Variants in DPP6 observed in about 807,000 individuals in gnomAD.
DPP6 encodes A-type potassium channel modulatory protein DPP6.
In DPP6, 69 loss-of-function variants were observed where a neutral mutation model predicts 122.6. That is an observed-to-expected ratio of 0.56 (90% CI 0.46 to 0.69). The LOEUF is 0.69. Ranked by LOEUF, DPP6 falls within the 30% of genes least tolerant of loss-of-function variation. The pLI, the probability that DPP6 is intolerant of heterozygous loss-of-function variation, is 0.00. For synonymous variants in DPP6, 418 were observed against 433.1 expected (o/e 0.97, Z 0.43); for missense variants, 928 against 1,116.9 (o/e 0.83, Z 2.41).
chr7:154,803,366 G>A (rs376607291), intron 13 of DPP6, among the ~76,000 whole-genome samples: 2 of 152,310 alleles, frequency 1.3e-5, no homozygotes, highest in East Asian at 3.9e-4. Flanking sequence ...AAAACTTGTA[G>A]TGTGGCAATA....
intron 7 of DPP6, among the ~76,000 whole-genome samples, chr7:154,678,496 C>T (rs888603116): frequency 3.6e-4 from 55 of 152,174 alleles, no homozygotes; most frequent in Admixed American, 3.6e-3. Context: ...CTGAAGTCAC[C>T]AAGACCACGA....
At chr7:154,225,918 C>T (rs1236870889) in intron 1 of DPP6, among the ~76,000 whole-genome samples, 1 of 152,008 alleles carries the variant, frequency 6.6e-6, no homozygotes, top group African/African-American at 2.4e-5. Flanking sequence ...AAAGCAACCT[C>T]ACAGTTTTGG....
intron 1 of DPP6, among the ~76,000 whole-genome samples, chr7:154,147,591 T>C (rs532522515): frequency 2.0e-3 from 296 of 151,276 alleles, no homozygotes; most frequent in African/African-American, 7.0e-3. Context: ...GTGATTCTCC[T>C]GCCTCAGCCT....
intron 4 of DPP6, among the ~76,000 whole-genome samples, chr7:154,551,867 G>T (rs951418487): frequency 6.6e-6 from 1 of 152,062 alleles, no homozygotes; most frequent in Non-Finnish European, 1.5e-5. Flanking sequence ...TCTTTTTCAC[G>T]GCAGAGATAG....
intron 1 of DPP6, among the ~76,000 whole-genome samples, chr7:153,926,416 C>T (rs1415328154): frequency 3.9e-5 from 6 of 152,280 alleles, no homozygotes; most frequent in Non-Finnish European, 7.3e-5. Flanking sequence ...GCTGTGAATT[C>T]GTTACAGGAA....
At chr7:154,578,076 C>G (rs1831801241) in intron 5 of DPP6, among the ~76,000 whole-genome samples, 1 of 152,164 alleles carries the variant, frequency 6.6e-6, no homozygotes, top group Non-Finnish European at 1.5e-5. Context: ...ATAGCATTAC[C>G]AGTAATATCA....
At chr7:154,325,331 C>A (rs1307967518) in intron 1 of DPP6, among the ~76,000 whole-genome samples, 1 of 152,266 alleles carries the variant, frequency 6.6e-6, no homozygotes, top group South Asian at 2.1e-4. Flanking sequence ...GGATGTAGGG[C>A]CTATATAGCA....
Position 154,894,118 on chromosome 7 carries a change from C to T in DPP6, c.*1638C>T, listed in dbSNP as rs1298166171. On this transcript the variant is annotated 3_prime_UTR_variant, in exon 26 of 26. Coordinates refer to ENST00000377770, the MANE Select transcript of DPP6 (RefSeq NM_130797.4). ...AACGTGCTGATAAACAGGACCGATC[C>T]GAGTGCTACATGACTGTGCGTTTGC... The T allele has an allele frequency of 1.3e-5, 2 of 152,278 alleles. No homozygotes were observed. The highest frequency in any genetic ancestry group is 2.1e-4 in the South Asian group (1 of 4,830). 9.4% of individuals were successfully genotyped at this position (152,278 alleles called of 1,614,324 possible). A position where few individuals can be genotyped will look rare whatever the true frequency, so the allele number is the denominator to read the frequency against.
At chr7:154,182,249 A>C (rs4546570) in intron 1 of DPP6, among the ~76,000 whole-genome samples, 203 of 152,316 alleles carry the variant, frequency 1.3e-3, no homozygotes, top group African/African-American at 4.6e-3. Context: ...ACAGAAATTA[A>C]GGCCATAACT....
intron 1 of DPP6, among the ~76,000 whole-genome samples, chr7:154,328,373 G>A (rs983442099): frequency 2.6e-5 from 4 of 152,170 alleles, no homozygotes; most frequent in African/African-American, 4.8e-5. Flanking sequence ...AAGTAACGAC[G>A]GGCCTGGAAG....
chr7:153,764,337 T>C, the DPP6 span, among the ~76,000 whole-genome samples: 3 of 149,984 alleles, frequency 2.0e-5, no homozygotes, highest in Admixed American at 6.6e-5. Flanking sequence ...CTCCCTGGCC[T>C]GTTCCTTGCT....
Position 154,752,610 on chromosome 7 carries a change from C to G in DPP6, c.884-16807C>G, listed in dbSNP as rs139709452. Among the ~76,000 whole-genome samples the G allele has an allele frequency of 1.8e-3, 276 of 152,290 alleles. 2 individuals carry two copies. The highest frequency in any genetic ancestry group is 5.9e-3 in the African/African-American group (245 of 41,568). On this transcript the variant is annotated intron_variant, in intron 8 of 25. Transcript: ENST00000377770. Reference sequence around the variant, plus strand: ...CTGTAGGTACTAAGGAGGCCTCACCCTTCTGGGATCCAGGGTCTCTCCCTC... The same window carrying G: ...CTGTAGGTACTAAGGAGGCCTCACCGTTCTGGGATCCAGGGTCTCTCCCTC...
At chr7:154,412,695 C>T (rs890400573) in intron 1 of DPP6, among the ~76,000 whole-genome samples, 1 of 151,912 alleles carries the variant, frequency 6.6e-6, no homozygotes, top group African/African-American at 2.4e-5. Context: ...CTTTAGAAAT[C>T]TTTTGAAGTT....
At chr7:153,970,161 G>A (rs1229296328) in intron 1 of DPP6, among the ~76,000 whole-genome samples, 1 of 152,154 alleles carries the variant, frequency 6.6e-6, no homozygotes, top group Non-Finnish European at 1.5e-5. Flanking sequence ...AGGCAATTCT[G>A]TGAAAATTTT....
intron 21 of DPP6, among the ~76,000 whole-genome samples, chr7:154,882,413 AG>A (rs1168513764): frequency 6.6e-6 from 1 of 152,226 alleles, no homozygotes; most frequent in African/African-American, 2.4e-5. Flanking sequence ...AACAAGCCTT[AG>A]ATAGAGGTCC....
At chr7:154,138,585 A>G (rs528080775) in intron 1 of DPP6, among the ~76,000 whole-genome samples, 1 of 151,950 alleles carries the variant, frequency 6.6e-6, no homozygotes, top group African/African-American at 2.4e-5. Flanking sequence ...GTGAGACTCA[A>G]TATTTATTCT....
At chr7:153,804,002 G>A in the DPP6 span, among the ~76,000 whole-genome samples, 1 of 151,242 alleles carries the variant, frequency 6.6e-6, no homozygotes, top group Non-Finnish European at 1.5e-5. Context: ...ACTTTTCAAG[G>A]AGGTCCTCCC....
chr7:153,979,206 C>T (rs1796455755), intron 1 of DPP6, among the ~76,000 whole-genome samples: 4 of 151,944 alleles, frequency 2.6e-5, no homozygotes, highest in Admixed American at 2.6e-4. Context: ...TGTTTGTGTC[C>T]TCTCTTATTT....
intron 20 of DPP6, among the ~76,000 whole-genome samples, chr7:154,878,896 A>G (rs953785403): frequency 6.6e-6 from 1 of 152,216 alleles, no homozygotes; most frequent in Admixed American, 6.5e-5. Flanking sequence ...GAAATGCCTC[A>G]TTTTTATTTA....
Sources: allele counts gnomAD v4.1 joint callset (sites outside exome capture counted in the v4.1 genomes callset), GRCh38; gene constraint gnomAD v4.1.1; transcripts MANE v1.5; gene names NCBI Gene and HGNC (gene_info 2026-07-23, HGNC 2026-07-21).